Variants in GPHN observed in about 807,000 individuals in gnomAD.
The protein encoded by GPHN is gephyrin.
A neutral mutation model predicts 95.5 loss-of-function variants in GPHN; 17 were observed. The ratio of observed to expected loss-of-function variants is 0.18; its 90% confidence interval spans 0.12 to 0.27. The LOEUF is 0.27. Ranked by LOEUF, GPHN falls within the 10% of genes least tolerant of loss-of-function variation. The probability of loss-of-function intolerance (pLI) is 1.00; values close to 1 mark genes in which losing one functional copy is unlikely to be tolerated. For synonymous variants in GPHN, 320 were observed against 322.5 expected (o/e 0.99, Z 0.08); for missense variants, 660 against 978.1 (o/e 0.67, Z 4.34).
intron 1 of GPHN, among the ~76,000 whole-genome samples, chr14:66,546,438 G>A (rs1002366406): frequency 1.4e-4 from 21 of 152,084 alleles, no homozygotes; most frequent in African/African-American, 4.8e-4. Flanking sequence ...GGTGGAGGTT[G>A]TAGTGAGCCG....
chr14:66,870,029 A>G (rs1721546863), intron 4 of GPHN, among the ~76,000 whole-genome samples: 1 of 152,174 alleles, frequency 6.6e-6, no homozygotes, highest in Non-Finnish European at 1.5e-5. Flanking sequence ...TCCTATTGTT[A>G]TTGCCCTTAA....
At position 66,569,528 on chromosome 14, in the gene GPHN, T is replaced by TG. The variant is rs551121180; in HGVS notation, c.64+60943dup. Among the ~76,000 whole-genome samples the TG allele has an allele frequency of 3.0e-3, 454 of 151,984 alleles. 3 individuals are homozygous for TG. The highest frequency in any genetic ancestry group is 0.011 in the African/African-American group (436 of 41,426). On this transcript the variant is annotated intron_variant, in intron 1 of 22. Transcript: ENST00000478722. Reference sequence around the variant, plus strand: ...AAATATAAAAATCAGCTGAGCATGGTGGGGGGCCCCTGTAATCCCAGCTAC... The same window carrying TG: ...AAATATAAAAATCAGCTGAGCATGGTGGGGGGGCCCCTGTAATCCCAGCTAC...
chr14:67,036,501 G>GCGCACACACACACACACACA (rs1555469785), intron 10 of GPHN, among the ~76,000 whole-genome samples: 10 of 118,186 alleles, frequency 8.5e-5, no homozygotes, highest in African/African-American at 3.8e-4. Flanking sequence ...ATACATACAT[G>GCGCACACACACACACACACA]CACACACACA....
At chr14:67,395,605 C>G in the GPHN span, 1 of 1,611,112 alleles carries the variant, frequency 6.2e-7, no homozygotes, top group Non-Finnish European at 8.5e-7. Context: ...GAGAGCCAGT[C>G]AGGCCAGCAC....
chr14:66,560,522 C>T (rs190855632), intron 1 of GPHN, among the ~76,000 whole-genome samples: 594 of 152,270 alleles, frequency 3.9e-3, no homozygotes, highest in Middle Eastern at 0.014. Context: ...GGAGTTCACT[C>T]ATGATTTGGC....
the GPHN span, chr14:67,724,596 G>C: frequency 1.2e-6 from 2 of 1,607,534 alleles, no homozygotes; most frequent in Middle Eastern, 1.7e-4. Context: ...GCCGAGGTAA[G>C]TGTTTCCCCT....
chr14:67,691,280 A>G, the GPHN span: 1 of 1,477,250 alleles, frequency 6.8e-7, no homozygotes, highest in South Asian at 1.1e-5. Context: ...GGAAGTGGCT[A>G]GCCAAGGCTA....
intron 4 of GPHN, among the ~76,000 whole-genome samples, chr14:66,855,147 C>T (rs754485917): frequency 1.3e-4 from 20 of 152,050 alleles, no homozygotes; most frequent in Non-Finnish European, 2.8e-4. Context: ...GTGCCTGGCC[C>T]TAATTTAGCC....
At chr14:67,139,606 C>A (rs1420968079) in intron 17 of GPHN, among the ~76,000 whole-genome samples, 4 of 152,144 alleles carry the variant, frequency 2.6e-5, no homozygotes, top group Non-Finnish European at 5.9e-5. Flanking sequence ...ATATAACTTG[C>A]CTTTTCTTAA....
the GPHN span, among the ~76,000 whole-genome samples, chr14:67,266,885 A>G: frequency 6.6e-6 from 1 of 152,014 alleles, no homozygotes; most frequent in South Asian, 2.1e-4. Context: ...CGAGGTGGAC[A>G]GATCACTTGA....
chr14:67,583,582 A>AAT, the GPHN span, among the ~76,000 whole-genome samples: 1 of 152,218 alleles, frequency 6.6e-6, no homozygotes, highest in Non-Finnish European at 1.5e-5. Flanking sequence ...TAGTGTCTAT[A>AAT]AAACTTGAGA....
the GPHN span, among the ~76,000 whole-genome samples, chr14:67,542,875 TTA>T: frequency 3.9e-5 from 6 of 152,092 alleles, no homozygotes; most frequent in African/African-American, 1.4e-4. Context: ...TAATTTTGTG[TTA>T]TTAGTAGAGA....
At chr14:67,046,756 A>G (rs1388795935) in intron 10 of GPHN, among the ~76,000 whole-genome samples, 2 of 152,214 alleles carry the variant, frequency 1.3e-5, no homozygotes, top group Admixed American at 1.3e-4. Flanking sequence ...TAGATTGAAG[A>G]CAATATGAAA....
chr14:66,832,448 A>C (rs927999492), intron 4 of GPHN, among the ~76,000 whole-genome samples: 3 of 152,228 alleles, frequency 2.0e-5, no homozygotes, highest in African/African-American at 4.8e-5. Context: ...ATTGTTAACT[A>C]CAAACATAAT....
At chr14:67,351,530 A>G in the GPHN span, among the ~76,000 whole-genome samples, 2 of 152,332 alleles carry the variant, frequency 1.3e-5, no homozygotes, top group East Asian at 3.9e-4. Context: ...ATTTTTTGAG[A>G]CAAGGTCTTA....
chr14:67,404,203 T>C, the GPHN span, among the ~76,000 whole-genome samples: 2 of 152,146 alleles, frequency 1.3e-5, no homozygotes, highest in African/African-American at 4.8e-5. Context: ...GTGCAAGAAT[T>C]CCAATCCTAA....
Position 66,683,351 on chromosome 14 carries a change from T to TGTTC in GPHN, c.143+2166_143+2167insGTTC, listed in dbSNP as rs1400281401. Among the ~76,000 whole-genome samples, 39 of 90,030 alleles carry TGTTC rather than the reference T, an allele frequency of 4.3e-4. 2 individuals are homozygous for TGTTC. Among genetic ancestry groups the TGTTC allele is most frequent in the South Asian group, 1.1e-3 (3 of 2,818 alleles). 59.1% of individuals were successfully genotyped at this position (90,030 alleles called of 152,430 possible). A position where few individuals can be genotyped will look rare whatever the true frequency, so the allele number is the denominator to read the frequency against. On this transcript the variant is annotated intron_variant, in intron 2 of 22. Transcript: ENST00000478722. ...GGAAATATATATATATATATATATA[T>TGTTC]ATATATATATATATATATATATATA...
At chr14:67,404,431 T>A in the GPHN span, among the ~76,000 whole-genome samples, 1 of 152,172 alleles carries the variant, frequency 6.6e-6, no homozygotes, top group East Asian at 1.9e-4. Flanking sequence ...AAGTCCAGCC[T>A]GGGCAACATA....
intron 4 of GPHN, among the ~76,000 whole-genome samples, chr14:66,871,017 GGTAT>G (rs1192104916): frequency 6.6e-6 from 1 of 152,154 alleles, no homozygotes; most frequent in Non-Finnish European, 1.5e-5. Context: ...AAAATCCAGT[GGTAT>G]GTTTTAGAGG....
Sources: gnomAD v4.1 joint callset for allele counts (sites outside exome capture counted in the v4.1 genomes callset) on GRCh38, gnomAD v4.1.1 for gene constraint, MANE v1.5 for transcripts, NCBI Gene and HGNC (gene_info 2026-07-23, HGNC 2026-07-21) for gene names.